The following RCN2 variants were observed in gnomAD, a reference collection of about 807,000 sequenced individuals.
RCN2 encodes the protein reticulocalbin 2, also known as reticulocalbin-2.
Under a neutral mutation model 37.5 loss-of-function variants are expected in RCN2, and 23 were observed. The observed-to-expected ratio is 0.61, with a 90% CI of 0.44 to 0.87. RCN2 has a LOEUF of 0.87. RCN2 is among the 40% of genes least tolerant of loss of function. RCN2 has a pLI of 0.00. For missense variants in RCN2, 381 were observed against 390.4 expected (o/e 0.98, Z 0.20); for synonymous variants, 140 against 144.6 (o/e 0.97, Z 0.23).
chr15:76,932,693 T>C (rs2075229847), intron 2 of RCN2, among the ~76,000 whole-genome samples: 1 of 152,208 alleles, frequency 6.6e-6, no homozygotes, highest in African/African-American at 2.4e-5. Flanking sequence ...CTGTACTCTA[T>C]GTGGAAGTCA....
intron 1 of RCN2, 23 bp downstream of exon 1, chr15:76,932,008 G>A: frequency 2.4e-6 from 3 of 1,251,030 alleles, no homozygotes; most frequent in Non-Finnish European, 3.0e-6. Flanking sequence ...GGCCGGTGCT[G>A]GGAGGGCCGG....
intron 3 of RCN2, chr15:76,941,645 C>T: frequency 1.3e-6 from 2 of 1,483,772 alleles, no homozygotes; most frequent in African/African-American, 1.4e-5. Flanking sequence ...AGGAATTTGC[C>T]ATTTGTAAAA....
At chr15:76,947,546 G>GA (rs781733363) in intron 5 of RCN2, 29 bp downstream of exon 5, 15 of 1,376,332 alleles carry the variant, frequency 1.1e-5, no homozygotes, top group Non-Finnish European at 1.5e-5. Flanking sequence ...TGTGAAAAGA[G>GA]AAAAGGAATT....
rs1051149606 is a variant in RCN2 at position 76,940,109 on chromosome 15, A to G, written c.448-3649A>G. ...CACTTCAATGGGAGTCCTTTTGGTT[A>G]TTTTTTTTTTTGACAGCCTAGGAAT... On this transcript the variant is annotated intron_variant, in intron 3 of 6. Coordinates refer to ENST00000394885, the MANE Select transcript of RCN2 (RefSeq NM_002902.3). 6.7e-5 allele frequency among the ~76,000 whole-genome samples: 10 copies of G among 148,554 alleles called. No individual in the cohort carries two copies. In the Admixed American group the frequency reaches 6.7e-4, roughly 10 times the overall value.
Position 76,949,245 on chromosome 15 carries a change from G to A in RCN2, c.*23G>A, listed in dbSNP as rs368850553. Reference sequence around the variant, plus strand: ...TAATCTCTGAGCCTGTCTCAGTAGAGTACTGGCTCCTTTTATAATTTGTTA... The same window carrying A: ...TAATCTCTGAGCCTGTCTCAGTAGAATACTGGCTCCTTTTATAATTTGTTA... On this transcript the variant is annotated 3_prime_UTR_variant, in exon 7 of 7. Coordinates refer to ENST00000394885, the MANE Select transcript of RCN2 (RefSeq NM_002902.3). The A allele has an allele frequency of 2.3e-5, 33 of 1,462,218 alleles. No homozygotes were observed. Among genetic ancestry groups the A allele is most frequent in the Non-Finnish European group, 3.0e-5 (33 of 1,090,290 alleles). The allele number at this position is 1,462,218 out of a possible 1,614,324, so 90.6% of individuals were successfully genotyped here.
At position 76,935,700 on chromosome 15, in the gene RCN2, C is replaced by T. The variant is rs1333259338; in HGVS notation, c.425C>T (p.Ala142Val). 6.2e-7 allele frequency: 1 copy of T among 1,612,898 alleles called. No individual in the cohort carries two copies. Among genetic ancestry groups the T allele is most frequent in the Non-Finnish European group, 8.5e-7 (1 of 1,179,454 alleles). The change falls in exon 3 of 7, where the codon GCA becomes GTA. Residue 142 changes from alanine (A) to valine (V), a missense_variant. Physicochemically the swap from Ala to Val is moderately conservative, Grantham distance 64. Transcript: ENST00000394885. ...GATGAGAACACTGCTCTGGATGATG[C>T]AGAAGAGGAGTCCTTTAGGAAGGTG... Reference protein sequence around the residue: ...DFDENTALDDAEEESFRKLHL... With the variant: ...DFDENTALDDVEEESFRKLHL...
intron 3 of RCN2, chr15:76,941,627 A>AT (rs1160197183): frequency 3.4e-6 from 5 of 1,453,688 alleles, no homozygotes; most frequent in South Asian, 2.7e-5. Context: ...CTTTTTTGTT[A>AT]TTTTTTTAGG....
Position 76,943,903 on chromosome 15 carries a change from G to A in RCN2, c.561+32G>A, listed in dbSNP as rs548581323. ...AAGAAACATTTTTAAGAGAATTATT[G>A]AGTGACCAAAACTTTAAAAAAATAT... On this transcript the variant is annotated intron_variant, in intron 4 of 6. Coordinates refer to ENST00000394885, the MANE Select transcript of RCN2 (RefSeq NM_002902.3). 14 of 1,262,994 alleles carry A rather than the reference G, an allele frequency of 1.1e-5. No individual in the cohort carries two copies. In the South Asian group the frequency reaches 1.8e-4, roughly 16 times the overall value. The allele number at this position is 1,262,994 out of a possible 1,614,324, so 78.2% of individuals were successfully genotyped here.
intron 2 of RCN2, among the ~76,000 whole-genome samples, 157 bp downstream of exon 2, chr15:76,932,623 G>C (rs968428359): frequency 2.0e-5 from 3 of 152,180 alleles, no homozygotes; most frequent in Non-Finnish European, 4.4e-5. Context: ...CAAATCTTTA[G>C]ACACTGAGAA....
At position 76,935,570 on chromosome 15, in the gene RCN2, A is replaced by G. The variant is rs774428228; in HGVS notation, c.295A>G (p.Met99Val). 1.2e-6 allele frequency: 2 copies of G among 1,613,848 alleles called. No homozygotes were observed. Among genetic ancestry groups the G allele is most frequent in the East Asian group, 2.2e-5 (1 of 44,872 alleles). Residue 99 changes from methionine (M) to valine (V), a missense_variant, in exon 3 of 7, where the codon ATG becomes GTG. Met to Val is a conservative substitution (Grantham distance 21). Transcript: ENST00000394885. Reference sequence around the variant, plus strand: ...TCAGATGTCTTTTAAGCATTATGCTATGCAAGAAGCAAAACAACAGTTTGT... The same window carrying G: ...TCAGATGTCTTTTAAGCATTATGCTGTGCAAGAAGCAAAACAACAGTTTGT... ...WIQMSFKHYA[M>V]QEAKQQFVEY...
At chr15:76,944,394 T>A (rs1380567499) in intron 4 of RCN2, among the ~76,000 whole-genome samples, 1 of 152,180 alleles carries the variant, frequency 6.6e-6, no homozygotes, top group African/African-American at 2.4e-5. Flanking sequence ...AACACTCTTT[T>A]AGTTATTTTA....
rs2075317048 is a variant in RCN2, at chr15:76,950,673, G to T, written c.*1451G>T. On this transcript the variant is annotated 3_prime_UTR_variant, in exon 7 of 7. Transcript: ENST00000394885. ...CAAGGTGCTGGAATTACAGGCGTGA[G>T]CCAACGCGCACGGCCTCTAGTTTTT... 1 of 152,252 alleles carries T rather than the reference G, an allele frequency of 6.6e-6. No homozygotes were observed. The allele number at this position is 152,252 out of a possible 1,614,324, so 9.4% of individuals were successfully genotyped here.
intron 3 of RCN2, among the ~76,000 whole-genome samples, chr15:76,939,409 T>G (rs974462744): frequency 4.6e-5 from 7 of 152,146 alleles, no homozygotes; most frequent in Non-Finnish European, 8.8e-5. Flanking sequence ...AATTTATATT[T>G]AATCAACTTT....
At chr15:76,947,327 T>G (rs1234909257) in intron 4 of RCN2, 94 bp from the exon 5 acceptor site, 1 of 724,382 alleles carries the variant, frequency 1.4e-6, no homozygotes, top group Non-Finnish European at 2.3e-6. Context: ...TATCATTTAT[T>G]TCTAAAGAAG....
In RCN2 at chr15:76,947,533, G is replaced by A. The variant is rs77502272; in HGVS notation, c.658+16G>A. On this transcript the variant is annotated intron_variant, in intron 5 of 6. Transcript: ENST00000394885. ...TGGGATCCAAGTAAGTCACCTGGGA[G>A]AATGTGAAAAGAGAAAAGGAATTGA... The A allele has an allele frequency of 1.4e-6, 2 of 1,470,886 alleles. No individual in the cohort carries two copies. The highest frequency in any genetic ancestry group is 2.3e-5 in the East Asian group (1 of 43,998). The allele number at this position is 1,470,886 out of a possible 1,614,324, so 91.1% of individuals were successfully genotyped here. A position where few individuals can be genotyped will look rare whatever the true frequency, so the allele number is the denominator to read the frequency against.
rs2075336694 is a variant in RCN2 at position 76,953,815 on chromosome 15, G to A, written c.*4593G>A. On this transcript the variant is annotated 3_prime_UTR_variant, in exon 7 of 7. Transcript: ENST00000394885. ...GTAGAGACGGGGTTTCACCGTGTTA[G>A]CCAGGATGGTCTTGATCTGCTGACC... The A allele has an allele frequency of 8.0e-4, 2 of 2,498 alleles. No homozygotes were observed. Among genetic ancestry groups the A allele is most frequent in the African/African-American group, 8.4e-4 (2 of 2,378 alleles). The allele number at this position is 2,498 out of a possible 1,614,324, so 0.2% of individuals were successfully genotyped here.
intron 4 of RCN2, 121 bp from the exon 5 acceptor site, chr15:76,947,300 A>G: frequency 3.2e-6 from 2 of 623,284 alleles, no homozygotes; most frequent in Non-Finnish European, 5.5e-6. Context: ...TGATTGCACC[A>G]CTAGAGCTCC....
chr15:76,949,295 A>ACAACATCAATAT lies in RCN2; in HGVS notation c.*73_*74insCAACATCAATAT. ...ACCAGCTTTACTTTTGTGATAAAATATTGATGTTGTATTTTACACTCTTAA... is the reference window on the plus strand; with the variant it reads ...ACCAGCTTTACTTTTGTGATAAAATACAACATCAATATTTGATGTTGTATTTTACACTCTTAA... On this transcript the variant is annotated 3_prime_UTR_variant, in exon 7 of 7. Coordinates refer to ENST00000394885, the MANE Select transcript of RCN2 (RefSeq NM_002902.3). The ACAACATCAATAT allele has an allele frequency of 9.4e-7, 1 of 1,059,622 alleles. No individual in the cohort carries two copies. Among genetic ancestry groups the ACAACATCAATAT allele is most frequent in the Non-Finnish European group, 1.3e-6 (1 of 765,324 alleles). 65.6% of individuals were successfully genotyped at this position (1,059,622 alleles called of 1,614,324 possible).
intron 2 of RCN2, among the ~76,000 whole-genome samples, chr15:76,934,671 A>T (rs1179053215): frequency 4.6e-5 from 7 of 152,230 alleles, no homozygotes; most frequent in African/African-American, 1.7e-4. Context: ...GGCCATATCT[A>T]CTTAACCATC....
Sources: gnomAD v4.1 joint callset for allele counts (sites outside exome capture counted in the v4.1 genomes callset) on GRCh38, gnomAD v4.1.1 for gene constraint, MANE v1.5 for transcripts, NCBI Gene and HGNC (gene_info 2026-07-23, HGNC 2026-07-21) for gene names.